COL3A1: variants seen among roughly 807,000 people sequenced by gnomAD.
COL3A1 encodes the protein collagen type III alpha 1 chain.
Under a neutral mutation model 200.9 loss-of-function variants are expected in COL3A1, and 46 were observed. The ratio of observed to expected loss-of-function variants is 0.23; its 90% CI spans 0.18 to 0.29. The LOEUF (loss-of-function observed/expected upper bound fraction) is 0.29. COL3A1 is among the 10% of genes least tolerant of loss of function. The probability of loss-of-function intolerance (pLI) is 1.00; values close to 1 mark genes in which losing one functional copy is unlikely to be tolerated. For missense variants in COL3A1, 1,367 were observed against 1,917.6 expected (o/e 0.71, Z 5.36); for synonymous variants, 650 against 628.0 (o/e 1.03, Z -0.52).
At chr2:188,977,408 G>T (rs935878677) in intron 1 of COL3A1, among the ~76,000 whole-genome samples, 1 of 152,082 alleles carries the variant, frequency 6.6e-6, no homozygotes, top group African/African-American at 2.4e-5. Flanking sequence ...CTTATTAGAC[G>T]TCATGAGAGT....
intron 10 of COL3A1, 80 bp downstream of exon 10, chr2:188,990,440 A>T (rs13306275): frequency 1.8e-6 from 2 of 1,086,392 alleles, no homozygotes; most frequent in Non-Finnish European, 2.8e-6. Flanking sequence ...CTGGACAATT[A>T]TGTGCCAAAA....
At chr2:188,989,252 C>A in intron 7 of COL3A1, 144 bp from the exon 8 acceptor site, 1 of 626,082 alleles carries the variant, frequency 1.6e-6, no homozygotes, top group East Asian at 2.8e-5. Context: ...ATAATATTAA[C>A]TCAGTAAGTA....
chr2:188,981,516 T>C (rs1206935904), intron 1 of COL3A1, among the ~76,000 whole-genome samples: 1 of 151,576 alleles, frequency 6.6e-6, no homozygotes, highest in Non-Finnish European at 1.5e-5. Context: ...TACTTTTCAA[T>C]AGTAGAATGA....
rs1688040630 is a variant in COL3A1, at chr2:188,985,217, T to C, written c.303T>C (p.Gly101=). The part of the protein sequence containing the change: ...PPTAPTRPPN[G]QGPQGPKGDP... ...ATTAGCCTACTCGCCCTCCTAATGG[T>C]CAAGGACCTCAAGGCCCCAAGGGAG... The change falls in exon 3 of 51, where the codon GGT becomes GGC. Residue 101 remains glycine (G), a synonymous_variant. Transcript: ENST00000304636. The C allele has an allele frequency of 3.1e-6, 5 of 1,612,236 alleles. No homozygotes were observed. The highest frequency in any genetic ancestry group is 3.4e-6 in the Non-Finnish European group (4 of 1,178,680).
At position 188,982,689 on chromosome 2, in the gene COL3A1, G is replaced by A. The variant is rs578001510; in HGVS notation, c.80-2071G>A. 2.0e-5 allele frequency among the ~76,000 whole-genome samples: 3 copies of A among 151,896 alleles called. No individual in the cohort carries two copies. The South Asian group carries it at 6.2e-4, about 32-fold the overall frequency. On this transcript the variant is annotated intron_variant, in intron 1 of 50. Coordinates refer to ENST00000304636, the MANE Select transcript of COL3A1 (RefSeq NM_000090.4). ...TAACAATGCTTTTGAGGATGGATCTGGAGGGCTTAAAATACACATTATTAA... is the reference window on the plus strand; with the variant it reads ...TAACAATGCTTTTGAGGATGGATCTAGAGGGCTTAAAATACACATTATTAA...
intron 4 of COL3A1, among the ~76,000 whole-genome samples, chr2:188,986,409 C>G (rs908900745): frequency 6.6e-6 from 1 of 151,982 alleles, no homozygotes; most frequent in Admixed American, 6.6e-5. Flanking sequence ...TTTCAAAAAG[C>G]AATTCAACAA....
intron 47 of COL3A1, chr2:189,008,519 T>G (rs1261301897): frequency 2.3e-5 from 9 of 394,344 alleles, no homozygotes; most frequent in Non-Finnish European, 4.2e-5. Flanking sequence ...ATTTTGTTAA[T>G]GATACTATCA....
intron 29 of COL3A1, among the ~76,000 whole-genome samples, 199 bp downstream of exon 29, chr2:188,998,917 C>G (rs1282371540): frequency 6.6e-6 from 1 of 152,184 alleles, no homozygotes; most frequent in Non-Finnish European, 1.5e-5. Context: ...AATTCTCTGA[C>G]ATTCATAATC....
Position 189,005,683 on chromosome 2 carries a change from A to T in COL3A1, c.3039+226A>T, listed in dbSNP as rs1306416350. Reference sequence around the variant, plus strand: ...CATTTGTGGAGAAAATATTATCTCTAACTAAATTAGGAAAAAAGTTAGTGG... The same window carrying T: ...CATTTGTGGAGAAAATATTATCTCTTACTAAATTAGGAAAAAAGTTAGTGG... On this transcript the variant is annotated intron_variant, in intron 41 of 50. Coordinates refer to ENST00000304636, the MANE Select transcript of COL3A1 (RefSeq NM_000090.4). 7 of 566,728 alleles carry T rather than the reference A, an allele frequency of 1.2e-5. No homozygotes were observed. In the South Asian group the frequency reaches 1.3e-4, roughly 10 times the overall value. 35.1% of individuals were successfully genotyped at this position (566,728 alleles called of 1,614,324 possible). A position where few individuals can be genotyped will look rare whatever the true frequency, so the allele number is the denominator to read the frequency against.
At chr2:189,004,587 T>C (rs900522763) in intron 40 of COL3A1, among the ~76,000 whole-genome samples, 1 of 152,136 alleles carries the variant, frequency 6.6e-6, no homozygotes, top group Non-Finnish European at 1.5e-5. Flanking sequence ...CACAAATAAA[T>C]TAATATGATG....
At chr2:189,003,151 C>T (rs903608034) in intron 36 of COL3A1, 89 bp downstream of exon 36, 1 of 1,103,990 alleles carries the variant, frequency 9.1e-7, no homozygotes, top group Non-Finnish European at 1.4e-6. Context: ...CTCTCCCTCT[C>T]CCCCCTCTGT....
chr2:188,980,109 G>A (rs561445395), intron 1 of COL3A1, among the ~76,000 whole-genome samples: 4 of 151,642 alleles, frequency 2.6e-5, no homozygotes, highest in African/African-American at 9.6e-5. Context: ...TTAGTGATAA[G>A]GATGGTGAAA....
At chr2:189,007,431 A>G (rs1688618330) in intron 44 of COL3A1, 69 bp from the exon 45 acceptor site, 4 of 1,213,312 alleles carry the variant, frequency 3.3e-6, no homozygotes, top group African/African-American at 3.0e-5. Context: ...TTTAATTATT[A>G]TAAATTCTAT....
chr2:189,006,458 T>C lies in COL3A1; in HGVS notation c.3201+6T>C. 6.2e-7 allele frequency: 1 copy of C among 1,613,322 alleles called. No individual in the cohort carries two copies. Among genetic ancestry groups the C allele is most frequent in the Non-Finnish European group, 8.5e-7 (1 of 1,179,360 alleles). On this transcript the variant is annotated splice_donor_region_variant and intron_variant, in intron 43 of 50. Coordinates refer to ENST00000304636, the MANE Select transcript of COL3A1 (RefSeq NM_000090.4). ...GTGGTGACAGAGGAGAAAGTGTGAG[T>C]TCCCAAAAGCAGCATCTGTCTTGTT... is the stretch of plus-strand genomic sequence containing the variant.
chr2:188,985,002 T>C (rs1337742772), intron 2 of COL3A1, 40 bp downstream of exon 2: 1 of 1,582,108 alleles, frequency 6.3e-7, no homozygotes, highest in South Asian at 1.1e-5. Context: ...AATATTCATA[T>C]TTAGACACAT....
At position 188,987,119 on chromosome 2, in the gene COL3A1, G is replaced by C; in HGVS notation, c.508G>C (p.Ala170Pro). 1 of 1,612,568 alleles carries C rather than the reference G, an allele frequency of 6.2e-7. No homozygotes were observed. The highest frequency in any genetic ancestry group is 8.5e-7 in the Non-Finnish European group (1 of 1,178,896). Reference sequence around the variant, plus strand: ...GTCTGGAGTAGCAGTAGGAGGACTCGCAGGCTATCCTGGACCAGCTGTACG... The same window carrying C: ...GTCTGGAGTAGCAGTAGGAGGACTCCCAGGCTATCCTGGACCAGCTGTACG... Reference protein sequence around the residue: ...VKSGVAVGGLAGYPGPAGPPG... With the variant: ...VKSGVAVGGLPGYPGPAGPPG... Residue 170 changes from alanine (A) to proline (P), a missense_variant, in exon 5 of 51, where the codon GCA (alanine) becomes CCA (proline). Ala to Pro is a conservative substitution (Grantham distance 27). Around this residue, in one of 5 missense-constraint regions of COL3A1, gnomAD observed 462 missense variants for 681.4 expected, o/e 0.68. Transcript: ENST00000304636.
Position 188,993,572 on chromosome 2 carries a change from T to G in COL3A1, c.1149+113T>G, listed in dbSNP as rs545815204. 5.2e-6 allele frequency: 5 copies of G among 961,464 alleles called. No homozygotes were observed. The South Asian group carries it at 7.1e-5, about 14-fold the overall frequency. The allele number at this position is 961,464 out of a possible 1,614,324, so 59.6% of individuals were successfully genotyped here. On this transcript the variant is annotated intron_variant, in intron 16 of 50. Coordinates refer to ENST00000304636, the MANE Select transcript of COL3A1 (RefSeq NM_000090.4). ...GCTTCAATATGGCTATCAGTGAAAA[T>G]TACTTTGAAAAAATTGTTGCTTAGT... is the stretch of plus-strand genomic sequence containing the variant.
intron 13 of COL3A1, 27 bp from the exon 14 acceptor site, chr2:188,992,157 A>G (rs750197317): frequency 1.9e-6 from 3 of 1,612,946 alleles, no homozygotes; most frequent in Admixed American, 1.7e-5. Context: ...AATTAAAAGG[A>G]TATTTGATGT....
At chr2:189,003,696 C>A (rs759463218) in intron 37 of COL3A1, 38 bp from the exon 38 acceptor site, 2 of 1,604,116 alleles carry the variant, frequency 1.2e-6, no homozygotes, top group Non-Finnish European at 1.7e-6. Context: ...GTTATTTGTT[C>A]TACTTTTGAA....
Sources: gnomAD v4.1 joint callset for allele counts (sites outside exome capture counted in the v4.1 genomes callset) on GRCh38, gnomAD v4.1.1 for gene constraint, gnomAD v4.1.1 regional missense constraint, MANE v1.5 for transcripts, NCBI Gene and HGNC (gene_info 2026-07-23, HGNC 2026-07-21) for gene names.